Variants in TRPM3 observed in about 807,000 individuals in gnomAD.
TRPM3 encodes the protein transient receptor potential cation channel subfamily M member 3.
A neutral mutation model predicts 181.2 loss-of-function variants in TRPM3; 77 were observed. The ratio of observed to expected loss-of-function variants is 0.42; its 90% CI spans 0.35 to 0.51. The LOEUF (loss-of-function observed/expected upper bound fraction) is 0.51. Ranked by LOEUF, TRPM3 falls within the 20% of genes least tolerant of loss-of-function variation. TRPM3 has a pLI of 0.01. For synonymous variants in TRPM3, 745 were observed against 796.4 expected (o/e 0.94, Z 1.09); for missense variants, 1,759 against 2,196.7 (o/e 0.80, Z 3.98).
rs529056403 is a variant in TRPM3 at position 70,944,063 on chromosome 9, G to A, written c.178-79552C>T. On this transcript the variant is annotated intron_variant, in intron 1 of 25. Transcript: ENST00000677713. ...CTCCCAAAGTGCTGGAACTACAGGC[G>A]TGAGCCACCACTCCTGGCTAAAATA... Among the ~76,000 whole-genome samples, 305 of 152,248 alleles carry A rather than the reference G, an allele frequency of 2.0e-3. 2 individuals carry two copies. The highest frequency in any genetic ancestry group is 6.8e-3 in the African/African-American group (284 of 41,560).
chr9:71,006,784 T>A lies in TRPM3; in HGVS notation c.177+114394A>T, dbSNP rs4503166. On this transcript the variant is annotated intron_variant, in intron 1 of 25. Coordinates refer to ENST00000677713, the MANE Select transcript of TRPM3 (RefSeq NM_001366145.2). ...TACTCGGGAGGCTGAGGCAGGAGAA[T>A]GGCGTGAACCCGGGAGGCGGAGCTT... is the stretch of plus-strand genomic sequence containing the variant. Among the ~76,000 whole-genome samples the A allele has an allele frequency of 2.7e-5, 4 of 147,298 alleles. No homozygotes were observed. The East Asian group carries it at 8.0e-4, about 30-fold the overall frequency.
At chr9:71,256,653 G>T (rs2082692073) in intron 1 of TRPM3, among the ~76,000 whole-genome samples, 1 of 152,148 alleles carries the variant, frequency 6.6e-6, no homozygotes, top group Non-Finnish European at 1.5e-5. Context: ...AGGGAGGAAT[G>T]CATGAGAGCC....
intron 1 of TRPM3, among the ~76,000 whole-genome samples, chr9:70,955,033 T>C (rs146595782): frequency 1.4e-4 from 22 of 152,312 alleles, no homozygotes; most frequent in Middle Eastern, 3.4e-3. Context: ...TAATCAGCTA[T>C]AGCTTCTGTG....
chr9:70,610,741 C>T lies in TRPM3; in HGVS notation c.2535G>A (p.Leu845=), dbSNP rs2061881030. 1 of 1,614,094 alleles carries T rather than the reference C, an allele frequency of 6.2e-7. No individual in the cohort carries two copies. Among genetic ancestry groups the T allele is most frequent in the Non-Finnish European group, 8.5e-7 (1 of 1,179,982 alleles). Reference sequence around the variant, plus strand: ...TGGAGGACTCCCCGTTGTTTCGTCCCAACATTGCCTATGTTGGAAGAGAAT... The same window carrying T: ...TGGAGGACTCCCCGTTGTTTCGTCCTAACATTGCCTATGTTGGAAGAGAAT... The part of the protein sequence containing the change: ...EEEDMELTAM[L]GRNNGESSRK... The change falls in exon 19 of 26, where the codon TTG becomes TTA. Residue 845 remains leucine, a synonymous_variant. Coordinates refer to ENST00000677713, the MANE Select transcript of TRPM3 (RefSeq NM_001366145.2).
At chr9:71,206,855 T>A (rs2079156308) in intron 1 of TRPM3, among the ~76,000 whole-genome samples, 1 of 152,108 alleles carries the variant, frequency 6.6e-6, no homozygotes. Flanking sequence ...CATTTCCCCA[T>A]TGCTTGTTTT....
At chr9:70,892,075 C>A (rs1343383632) in intron 1 of TRPM3, among the ~76,000 whole-genome samples, 1 of 151,596 alleles carries the variant, frequency 6.6e-6, no homozygotes, top group Non-Finnish European at 1.5e-5. Flanking sequence ...GAGGGATTTA[C>A]GAGGAAAAAA....
At chr9:70,751,585 G>A (rs374200382) in intron 8 of TRPM3, among the ~76,000 whole-genome samples, 5 of 152,252 alleles carry the variant, frequency 3.3e-5, no homozygotes, top group South Asian at 2.1e-4. Context: ...AATGAGAAAC[G>A]TAAGGAAAAG....
intron 1 of TRPM3, among the ~76,000 whole-genome samples, chr9:71,114,356 G>A (rs1341592010): frequency 2.0e-5 from 3 of 152,100 alleles, no homozygotes; most frequent in Non-Finnish European, 2.9e-5. Flanking sequence ...CCTTCCTAGA[G>A]ATTTTGTTAT....
At chr9:71,017,866 A>G (rs985200148) in intron 1 of TRPM3, among the ~76,000 whole-genome samples, 2 of 151,870 alleles carry the variant, frequency 1.3e-5, no homozygotes, top group Non-Finnish European at 3.0e-5. Context: ...ATACCCAACA[A>G]TGGTTGCATA....
chr9:70,745,098 C>T (rs1399329053), intron 8 of TRPM3, among the ~76,000 whole-genome samples: 1 of 152,050 alleles, frequency 6.6e-6, no homozygotes, highest in African/African-American at 2.4e-5. Flanking sequence ...TCATCATCAC[C>T]ATTGTTACAA....
intron 1 of TRPM3, among the ~76,000 whole-genome samples, chr9:71,190,294 C>T (rs917995292): frequency 6.6e-6 from 1 of 151,774 alleles, no homozygotes; most frequent in African/African-American, 2.4e-5. Context: ...GCAGGTCAGT[C>T]CATCTATTTT....
At chr9:71,160,131 A>G (rs1291027153) in intron 1 of TRPM3, among the ~76,000 whole-genome samples, 1 of 152,112 alleles carries the variant, frequency 6.6e-6, no homozygotes, top group Non-Finnish European at 1.5e-5. Context: ...TACACCAGGC[A>G]CACTTTGGCC....
At chr9:71,277,530 T>C (rs2084315269) in intron 1 of TRPM3, among the ~76,000 whole-genome samples, 1 of 151,652 alleles carries the variant, frequency 6.6e-6, no homozygotes, top group South Asian at 2.1e-4. Flanking sequence ...ATCAAAGGAG[T>C]CTAATTTTTT....
chr9:71,049,431 C>G (rs2059820061), intron 1 of TRPM3, among the ~76,000 whole-genome samples: 1 of 152,108 alleles, frequency 6.6e-6, no homozygotes, highest in Admixed American at 6.5e-5. Flanking sequence ...TCAATACTCT[C>G]CAAAATATAT....
At chr9:71,083,951 T>C (rs776683899) in intron 1 of TRPM3, among the ~76,000 whole-genome samples, 1 of 151,980 alleles carries the variant, frequency 6.6e-6, no homozygotes, top group Non-Finnish European at 1.5e-5. Context: ...GTAAATTTCC[T>C]GGCATAGGGC....
intron 8 of TRPM3, among the ~76,000 whole-genome samples, chr9:70,757,622 C>T (rs2077311573): frequency 6.6e-6 from 1 of 152,174 alleles, no homozygotes; most frequent in Non-Finnish European, 1.5e-5. Flanking sequence ...AGCAGCACAT[C>T]AGAAAGCTTA....
chr9:71,142,886 G>A (rs529746799), intron 1 of TRPM3, among the ~76,000 whole-genome samples: 13 of 151,786 alleles, frequency 8.6e-5, no homozygotes, highest in African/African-American at 3.1e-4. Context: ...AGCGAGGCAG[G>A]AGAATCACTT....
intron 22 of TRPM3, among the ~76,000 whole-genome samples, chr9:70,573,976 A>T (rs1273670526): frequency 8.5e-5 from 5 of 58,562 alleles, no homozygotes; most frequent in Non-Finnish European, 1.7e-4. Context: ...TTCATTTCAC[A>T]CACACACACA....
intron 1 of TRPM3, among the ~76,000 whole-genome samples, chr9:71,031,915 A>G (rs2057349282): frequency 7.4e-6 from 1 of 134,716 alleles, no homozygotes; most frequent in South Asian, 2.2e-4. Context: ...TATATTTGCA[A>G]ATATCAGGCT....
Sources: gnomAD v4.1 joint callset for allele counts (sites outside exome capture counted in the v4.1 genomes callset) on GRCh38, gnomAD v4.1.1 for gene constraint, MANE v1.5 for transcripts, NCBI Gene and HGNC (gene_info 2026-07-23, HGNC 2026-07-21) for gene names.